Variants in GAGE1 observed in about 807,000 individuals in gnomAD.
The protein encoded by GAGE1 is G antigen 4.
A neutral mutation model predicts 5.0 loss-of-function variants in GAGE1; 5 were observed. That is an observed-to-expected ratio of 1.00 (90% CI 0.52 to 2.11). The LOEUF (loss-of-function observed/expected upper bound fraction) is 2.11. Ranked by LOEUF, GAGE1 falls within the 30% of genes most tolerant of loss-of-function variation. The probability of loss-of-function intolerance (pLI) is 0.01; values close to 1 mark genes in which losing one functional copy is unlikely to be tolerated. For synonymous variants in GAGE1, 6 were observed against 14.8 expected (o/e 0.40, Z 1.37); for missense variants, 9 against 38.9 (o/e 0.23, Z 2.04).
Position 49,606,621 on chromosome X carries a change from A to C in GAGE1, c.*606A>C, listed in dbSNP as rs1357250567. On this transcript the variant is annotated 3_prime_UTR_variant, in exon 5 of 5. Coordinates refer to ENST00000381700, the MANE Select transcript of GAGE1 (RefSeq NM_001040663.4). ...TGTTATTCCTGATGAGAAATGGAAAAATTTCAACATTTCACGACAATATTT... is the reference window on the plus strand; with the variant it reads ...TGTTATTCCTGATGAGAAATGGAAACATTTCAACATTTCACGACAATATTT... The C allele has an allele frequency of 1.8e-5, 2 of 112,533 alleles. No homozygotes were observed. Among genetic ancestry groups the C allele is most frequent in the Non-Finnish European group, 3.7e-5 (2 of 53,366 alleles). The allele number at this position is 112,533 out of a possible 1,213,427, so 9.3% of individuals were successfully genotyped here.
In GAGE1 at chrX:49,606,101, T is replaced by C. The variant is rs1158328519; in HGVS notation, c.*86T>C. 5.5e-6 allele frequency: 3 copies of C among 548,626 alleles called. No homozygotes were observed. Among genetic ancestry groups the C allele is most frequent in the Non-Finnish European group, 8.1e-6 (3 of 368,377 alleles). The allele number at this position is 548,626 out of a possible 1,213,427, so 45.2% of individuals were successfully genotyped here. On this transcript the variant is annotated 3_prime_UTR_variant, in exon 5 of 5. Transcript: ENST00000381700. ...CTCCCAATAAAGCTTTACAGCCTTC[T>C]GCAAAGAAGTCTTGTGAATCTTTTG...
intron 4 of GAGE1, among the ~76,000 whole-genome samples, chrX:49,605,422 A>G (rs1449746935): frequency 1.8e-5 from 2 of 112,350 alleles, no homozygotes; most frequent in Admixed American, 9.5e-5. Context: ...TGTTAATTGT[A>G]ATTGCTTGTG....
At chrX:49,603,987 G>C (rs5905760) in intron 4 of GAGE1, among the ~76,000 whole-genome samples, 194 bp downstream of exon 4, 47,862 of 110,712 alleles carry the variant, frequency 0.43, 8,973 homozygotes, top group Non-Finnish European at 0.58. Context: ...GGCGGAGCCG[G>C]GGTTACAGGC....
At chrX:49,602,221 C>T (rs1242370681) in intron 3 of GAGE1, among the ~76,000 whole-genome samples, 1 of 112,639 alleles carries the variant, frequency 8.9e-6, no homozygotes, top group African/African-American at 3.2e-5. Flanking sequence ...TATAGGAAAA[C>T]ACAGATGCAA....
At chrX:49,604,888 A>G (rs1174388723) in intron 4 of GAGE1, 6 of 279,463 alleles carry the variant, frequency 2.1e-5, no homozygotes, top group Non-Finnish European at 4.0e-5. Flanking sequence ...GCTCACTGCA[A>G]CCTCTGGCTC....
intron 3 of GAGE1, among the ~76,000 whole-genome samples, chrX:49,602,253 G>T (rs1369403740): frequency 8.9e-6 from 1 of 112,059 alleles, no homozygotes; most frequent in East Asian, 2.8e-4. Context: ...CTAGTGGCTG[G>T]TAATGTTGCA....
intron 4 of GAGE1, chrX:49,604,958 C>A: frequency 1.5e-6 from 1 of 682,549 alleles, no homozygotes; most frequent in Non-Finnish European, 2.1e-6. Flanking sequence ...CATGCACAAG[C>A]CAACGTACCT....
chrX:49,604,931 C>G (rs781935032), intron 4 of GAGE1: 167 of 443,941 alleles, frequency 3.8e-4, no homozygotes, highest in Non-Finnish European at 4.6e-4. Context: ...CCTCAGCCTC[C>G]TGAGTGGCTG....
intron 3 of GAGE1, among the ~76,000 whole-genome samples, chrX:49,601,802 A>G (rs1232085975): frequency 1.7e-5 from 1 of 58,431 alleles, no homozygotes; most frequent in African/African-American, 9.2e-5. Context: ...CTTTACCCCA[A>G]TAGGTAATGG....
intron 4 of GAGE1, 98 bp from the exon 5 acceptor site, chrX:49,605,895 G>T: frequency 2.0e-6 from 1 of 507,880 alleles, no homozygotes; most frequent in Non-Finnish European, 2.6e-6. Context: ...GCAACAGAGT[G>T]AGACTCCATC....
At chrX:49,605,258 A>C (rs1418668917) in intron 4 of GAGE1, 1 of 623,355 alleles carries the variant, frequency 1.6e-6, no homozygotes, top group Non-Finnish European at 2.1e-6. Flanking sequence ...CACACATATG[A>C]TATAATCATC....
rs148002462 is a variant in GAGE1 at position 49,606,177 on chromosome X, A to C, written c.*162A>C. ...GCTGTGAAATGTTTCATTCTTTGCA[A>C]TTTTGTATTCTATCTCCTTGAGCTG... On this transcript the variant is annotated 3_prime_UTR_variant, in exon 5 of 5. Coordinates refer to ENST00000381700, the MANE Select transcript of GAGE1 (RefSeq NM_001040663.4). 843 of 287,019 alleles carry C rather than the reference A, an allele frequency of 2.9e-3. 1 individual carries two copies. The highest frequency in any genetic ancestry group is 4.5e-3 in the Non-Finnish European group (726 of 160,145). The allele number at this position is 287,019 out of a possible 1,213,427, so 23.7% of individuals were successfully genotyped here. A position where few individuals can be genotyped will look rare whatever the true frequency, so the allele number is the denominator to read the frequency against.
rs558542298 is a variant in GAGE1, at chrX:49,604,340, C to T, written c.331+547C>T. ...TGAGTATAAATCCTCAAACCAGTAG[C>T]TCATAATTTTCAAATGCTTTTGCAA... On this transcript the variant is annotated intron_variant, in intron 4 of 4. Transcript: ENST00000381700. Among the ~76,000 whole-genome samples, 212 of 112,326 alleles carry T rather than the reference C, an allele frequency of 1.9e-3. 1 individual carries two copies. Among genetic ancestry groups the T allele is most frequent in the Non-Finnish European group, 2.4e-3 (126 of 53,290 alleles).
chrX:49,605,074 A>C (rs1395092968), intron 4 of GAGE1: 1 of 1,020,235 alleles, frequency 9.8e-7, no homozygotes, highest in Non-Finnish European at 1.3e-6. Context: ...ATCTTTCCCC[A>C]CGGAAACCTT....
At chrX:49,605,448 C>T (rs1253196025) in intron 4 of GAGE1, among the ~76,000 whole-genome samples, 1 of 112,142 alleles carries the variant, frequency 8.9e-6, no homozygotes. Flanking sequence ...AAAGGAAGCA[C>T]TTGATGTTTA....
At chrX:49,605,359 C>G (rs1389149171) in intron 4 of GAGE1, among the ~76,000 whole-genome samples, 1 of 112,371 alleles carries the variant, frequency 8.9e-6, no homozygotes, top group African/African-American at 3.2e-5. Context: ...TCTAGTCCTT[C>G]CTGAGTAATC....
intron 4 of GAGE1, chrX:49,604,923 T>A (rs1399863423): frequency 2.5e-6 from 1 of 394,383 alleles, no homozygotes; most frequent in Non-Finnish European, 4.2e-6. Flanking sequence ...TCCTCCCACC[T>A]CAGCCTCCTG....
chrX:49,606,109 A>T lies in GAGE1; in HGVS notation c.*94A>T. On this transcript the variant is annotated 3_prime_UTR_variant, in exon 5 of 5. Coordinates refer to ENST00000381700, the MANE Select transcript of GAGE1 (RefSeq NM_001040663.4). ...AAAGCTTTACAGCCTTCTGCAAAGAAGTCTTGTGAATCTTTTGTCAATTTT... is the reference window on the plus strand; with the variant it reads ...AAAGCTTTACAGCCTTCTGCAAAGATGTCTTGTGAATCTTTTGTCAATTTT... 1 of 505,143 alleles carries T rather than the reference A, an allele frequency of 2.0e-6. No homozygotes were observed. Among genetic ancestry groups the T allele is most frequent in the Non-Finnish European group, 3.0e-6 (1 of 333,296 alleles). 41.6% of individuals were successfully genotyped at this position (505,143 alleles called of 1,213,427 possible).
intron 4 of GAGE1, among the ~76,000 whole-genome samples, chrX:49,604,264 C>G (rs190112498): frequency 5.3e-5 from 6 of 112,628 alleles, no homozygotes; most frequent in Admixed American, 9.4e-5. Context: ...GAGTGATAGA[C>G]TTTCAGATAG....
Sources: allele counts gnomAD v4.1 joint callset (sites outside exome capture counted in the v4.1 genomes callset), GRCh38; gene constraint gnomAD v4.1.1; transcripts MANE v1.5; gene names NCBI Gene and HGNC (gene_info 2026-07-23, HGNC 2026-07-21).